The following PDZRN3 variants were observed in gnomAD, a reference collection of about 807,000 sequenced individuals.
PDZRN3 encodes E3 ubiquitin-protein ligase PDZRN3.
A neutral mutation model predicts 85.7 loss-of-function variants in PDZRN3; 38 were observed. The observed-to-expected ratio is 0.44, with a 90% CI of 0.34 to 0.58. PDZRN3 has a LOEUF of 0.58. Among genes scored for constraint, PDZRN3 ranks in the 20% least tolerant of loss-of-function variants. The pLI is 0.01. For synonymous variants in PDZRN3, 759 were observed against 638.0 expected (o/e 1.19, Z -2.86); for missense variants, 1,629 against 1,506.4 (o/e 1.08, Z -1.35).
At chr3:73,467,212 G>C (rs1703237813) in intron 3 of PDZRN3, among the ~76,000 whole-genome samples, 1 of 152,180 alleles carries the variant, frequency 6.6e-6, no homozygotes, top group South Asian at 2.1e-4. Flanking sequence ...TAAAGCCACA[G>C]AGTCAGGTTA....
chr3:73,402,836 C>T (rs1053305963), intron 4 of PDZRN3, among the ~76,000 whole-genome samples: 1 of 151,820 alleles, frequency 6.6e-6, no homozygotes, highest in Admixed American at 6.6e-5. Flanking sequence ...TGTATCAAGT[C>T]AATGATCTGA....
intron 3 of PDZRN3, among the ~76,000 whole-genome samples, chr3:73,542,904 G>C (rs1701318600): frequency 6.6e-6 from 1 of 152,092 alleles, no homozygotes; most frequent in Non-Finnish European, 1.5e-5. Flanking sequence ...GGTACTTCAG[G>C]AACCTCAAGC....
intron 1 of PDZRN3, among the ~76,000 whole-genome samples, chr3:73,616,213 C>T (rs377631247): frequency 5.3e-5 from 8 of 152,284 alleles, no homozygotes; most frequent in African/African-American, 1.9e-4. Context: ...GAGCAGACGC[C>T]GGTGCCATGT....
At chr3:73,517,895 T>C (rs1052441792) in intron 3 of PDZRN3, among the ~76,000 whole-genome samples, 1 of 152,220 alleles carries the variant, frequency 6.6e-6, no homozygotes, top group East Asian at 1.9e-4. Context: ...ATAACTGTTA[T>C]GTCTTTCAGG....
rs1223724958 is a variant in PDZRN3 at position 73,434,882 on chromosome 3, G to A, written c.919-30487C>T. ...CCTCCTTCAGCCTCTGTCCTGCTGAGTAAGCCTGACACCTTTTCTAAAAAC... is the reference window on the plus strand; with the variant it reads ...CCTCCTTCAGCCTCTGTCCTGCTGAATAAGCCTGACACCTTTTCTAAAAAC... On this transcript the variant is annotated intron_variant, in intron 3 of 9. Coordinates refer to ENST00000263666, the MANE Select transcript of PDZRN3 (RefSeq NM_015009.3). Among the ~76,000 whole-genome samples, 5 of 152,220 alleles carry A rather than the reference G, an allele frequency of 3.3e-5. No individual in the cohort carries two copies. In the East Asian group the frequency reaches 5.8e-4, roughly 18 times the overall value.
chr3:73,383,426 C>A lies in PDZRN3; in HGVS notation c.3140G>T (p.Gly1047Val). The A allele has an allele frequency of 6.2e-7, 1 of 1,613,928 alleles. No homozygotes were observed. Among genetic ancestry groups the A allele is most frequent in the Non-Finnish European group, 8.5e-7 (1 of 1,179,864 alleles). The change falls in exon 10 of 10, where the codon GGC becomes GTC. Residue 1047 changes from glycine to valine, a missense_variant. Coordinates refer to ENST00000263666, the MANE Select transcript of PDZRN3 (RefSeq NM_015009.3). Reference protein sequence around the residue: ...WMTIQELLTHGTKSPDGTRVY... With the variant: ...WMTIQELLTHVTKSPDGTRVY... ...TCTAGTGCCGTCCGGGGATTTTGTG[C>A]CGTGGGTTAAGAGTTCTTGGATCGT...
chr3:73,607,844 T>TTG, intron 2 of PDZRN3, among the ~76,000 whole-genome samples: 1 of 152,228 alleles, frequency 6.6e-6, no homozygotes, highest in Admixed American at 6.5e-5. Context: ...CAGCCTATGT[T>TTG]CAATACTTAT....
chr3:73,596,670 T>G lies in PDZRN3; in HGVS notation c.918+5684A>C, dbSNP rs542341144. On this transcript the variant is annotated intron_variant, in intron 3 of 9. Transcript: ENST00000263666. ...ACTTCAAACAGAAATTAAGGGACAG[T>G]CCAGAAAAGATCTGGTTTGGAGTCT... 1.2e-4 allele frequency among the ~76,000 whole-genome samples: 19 copies of G among 152,284 alleles called. No homozygotes were observed. In the South Asian group the frequency reaches 3.7e-3, roughly 30 times the overall value.
At chr3:73,390,027 G>A (rs1251125170) in intron 6 of PDZRN3, 149 bp from the exon 7 acceptor site, 1 of 674,946 alleles carries the variant, frequency 1.5e-6, no homozygotes, top group Non-Finnish European at 2.7e-6. Flanking sequence ...GTCGTGCAAG[G>A]AGAGGCAAAC....
intron 3 of PDZRN3, among the ~76,000 whole-genome samples, chr3:73,581,655 G>C (rs1350929376): frequency 6.6e-6 from 1 of 152,060 alleles, no homozygotes; most frequent in Non-Finnish European, 1.5e-5. Flanking sequence ...GAATAAAGTG[G>C]ACTCACACTC....
intron 3 of PDZRN3, among the ~76,000 whole-genome samples, chr3:73,529,802 G>A (rs1168814317): frequency 6.6e-6 from 1 of 152,218 alleles, no homozygotes; most frequent in African/African-American, 2.4e-5. Flanking sequence ...AGGCTGGGTT[G>A]AGTCTAGGTT....
chr3:73,421,550 G>A (rs2106776898), intron 3 of PDZRN3, among the ~76,000 whole-genome samples: 1 of 152,272 alleles, frequency 6.6e-6, no homozygotes, highest in Admixed American at 6.5e-5. Context: ...ACTTGCAAAT[G>A]GAATCCTTCT....
At chr3:73,448,645 AT>A (rs1470013589) in intron 3 of PDZRN3, among the ~76,000 whole-genome samples, 1 of 152,212 alleles carries the variant, frequency 6.6e-6, no homozygotes, top group Non-Finnish European at 1.5e-5. Flanking sequence ...ACTTTATTTA[AT>A]AGAAGCTTCA....
chr3:73,581,090 T>C (rs1401284740), intron 3 of PDZRN3, among the ~76,000 whole-genome samples: 2 of 152,244 alleles, frequency 1.3e-5, no homozygotes, highest in African/African-American at 4.8e-5. Flanking sequence ...AAAGTTCAGA[T>C]GTACTCCTAC....
intron 3 of PDZRN3, among the ~76,000 whole-genome samples, chr3:73,568,570 A>T (rs1701989233): frequency 6.6e-6 from 1 of 152,180 alleles, no homozygotes; most frequent in African/African-American, 2.4e-5. Context: ...ACACAAATAC[A>T]CACCAAAACT....
At chr3:73,609,065 A>T (rs1053548919) in intron 1 of PDZRN3, among the ~76,000 whole-genome samples, 2 of 152,218 alleles carry the variant, frequency 1.3e-5, no homozygotes, top group African/African-American at 4.8e-5. Flanking sequence ...TCTCAACAGC[A>T]GCATTCATGT....
chr3:73,537,193 T>C (rs146981528), intron 3 of PDZRN3, among the ~76,000 whole-genome samples: 6 of 152,180 alleles, frequency 3.9e-5, no homozygotes, highest in African/African-American at 1.4e-4. Flanking sequence ...CATAAAAATC[T>C]CCCCTGTTGG....
chr3:73,454,147 C>T (rs1347957652), intron 3 of PDZRN3, among the ~76,000 whole-genome samples: 1 of 152,130 alleles, frequency 6.6e-6, no homozygotes, highest in East Asian at 1.9e-4. Context: ...GATGGTATCC[C>T]CTGGGCAGGA....
intron 3 of PDZRN3, among the ~76,000 whole-genome samples, chr3:73,567,829 T>G (rs976844343): frequency 6.6e-6 from 1 of 152,180 alleles, no homozygotes; most frequent in Non-Finnish European, 1.5e-5. Context: ...GGCACCTCCC[T>G]AGGGCAACAG....
Sources: gnomAD v4.1 joint callset for allele counts (sites outside exome capture counted in the v4.1 genomes callset) on GRCh38, gnomAD v4.1.1 for gene constraint, MANE v1.5 for transcripts, NCBI Gene and HGNC (gene_info 2026-07-23, HGNC 2026-07-21) for gene names.